The following DIAPH2 variants were observed in gnomAD, a reference collection of about 807,000 sequenced individuals.
DIAPH2 encodes diaphanous related formin 2, also known as protein diaphanous homolog 2.
In DIAPH2, 35 loss-of-function variants were observed where a neutral mutation model predicts 92.7. The observed-to-expected ratio is 0.38, with a 90% CI of 0.29 to 0.50. The LOEUF (loss-of-function observed/expected upper bound fraction) is 0.50, where lower values mean the gene tolerates loss of function less well. Among genes scored for constraint, DIAPH2 ranks in the 20% least tolerant of loss-of-function variants. The pLI is 0.94. For missense variants in DIAPH2, 701 were observed against 819.5 expected, an observed-to-expected ratio of 0.86 and a Z score of 1.77; for synonymous variants, 301 against 280.4, an observed-to-expected ratio of 1.07 and a Z score of -0.73.
intron 5 of DIAPH2, among the ~76,000 whole-genome samples, chrX:96,895,747 G>A (rs2065340878): frequency 8.9e-6 from 1 of 111,871 alleles, no homozygotes; most frequent in African/African-American, 3.2e-5. Context: ...TGATTGGTCT[G>A]GCAAAACATA....
intron 5 of DIAPH2, among the ~76,000 whole-genome samples, chrX:96,900,059 T>C (rs764733203): frequency 1.8e-5 from 2 of 111,998 alleles, no homozygotes; most frequent in South Asian, 7.5e-4. Context: ...ACCAGCCTGT[T>C]TGGCAGCATG....
At chrX:97,281,616 C>T (rs1041040789) in intron 23 of DIAPH2, among the ~76,000 whole-genome samples, 3 of 109,468 alleles carry the variant, frequency 2.7e-5, no homozygotes, top group Non-Finnish European at 5.7e-5. Context: ...TGGCAACGGC[C>T]GCCTGTAGTC....
At chrX:97,293,323 G>C (rs770816159) in intron 23 of DIAPH2, among the ~76,000 whole-genome samples, 2 of 98,994 alleles carry the variant, frequency 2.0e-5, no homozygotes, top group South Asian at 9.7e-4. Flanking sequence ...CAATATCTTG[G>C]CTCACTGCAA....
chrX:97,382,495 C>T (rs920338103), intron 24 of DIAPH2, among the ~76,000 whole-genome samples: 1 of 111,957 alleles, frequency 8.9e-6, no homozygotes, highest in African/African-American at 3.3e-5. Flanking sequence ...CATCCCACAA[C>T]GCATAGGACA....
chrX:96,855,458 ATAT>A (rs1413768370), intron 4 of DIAPH2, among the ~76,000 whole-genome samples: 4 of 110,552 alleles, frequency 3.6e-5, no homozygotes, highest in Non-Finnish European at 7.6e-5. Context: ...TTATTCATAT[ATAT>A]TATTACAATT....
chrX:96,760,037 A>G (rs1222243463), intron 4 of DIAPH2, among the ~76,000 whole-genome samples: 1 of 111,719 alleles, frequency 9.0e-6, no homozygotes, highest in African/African-American at 3.2e-5. Context: ...CCTCAAAATC[A>G]GAACTACTTA....
chrX:96,773,804 G>A (rs1215174655), intron 4 of DIAPH2, among the ~76,000 whole-genome samples: 6 of 111,296 alleles, frequency 5.4e-5, no homozygotes, highest in African/African-American at 2.0e-4. Flanking sequence ...CTGAGATCGC[G>A]CCTCTGCACT....
chrX:96,742,044 A>G (rs2064123184), intron 3 of DIAPH2, among the ~76,000 whole-genome samples: 2 of 111,133 alleles, frequency 1.8e-5, no homozygotes, highest in East Asian at 2.9e-4. Context: ...TGGATGCACA[A>G]TAGATCTCTC....
At chrX:97,361,349 G>C (rs930818439) in intron 24 of DIAPH2, among the ~76,000 whole-genome samples, 4 of 111,804 alleles carry the variant, frequency 3.6e-5, no homozygotes, top group Non-Finnish European at 7.5e-5. Flanking sequence ...AGTCTTTAAT[G>C]AATAGGCCAA....
intron 26 of DIAPH2, among the ~76,000 whole-genome samples, chrX:97,479,054 G>T (rs865855420): frequency 2.0e-4 from 22 of 111,733 alleles, no homozygotes; most frequent in African/African-American, 7.1e-4. Context: ...GCAATTGGTT[G>T]TCTTTGAAGT....
chrX:97,021,420 A>G (rs1468811990), intron 17 of DIAPH2, among the ~76,000 whole-genome samples: 2 of 111,042 alleles, frequency 1.8e-5, no homozygotes, highest in African/African-American at 6.6e-5. Flanking sequence ...CTGGTGTCGA[A>G]CTCCTGGCCT....
intron 22 of DIAPH2, among the ~76,000 whole-genome samples, chrX:97,165,302 A>G (rs2067403575): frequency 9.0e-6 from 1 of 111,565 alleles, no homozygotes; most frequent in Non-Finnish European, 1.9e-5. Context: ...AAGGCTGAGT[A>G]AGAGGTTGAA....
chrX:97,421,834 C>A, intron 25 of DIAPH2, among the ~76,000 whole-genome samples: 1 of 110,975 alleles, frequency 9.0e-6, no homozygotes, highest in East Asian at 2.8e-4. Context: ...AAAATGATAT[C>A]CAAGCTCCTT....
At chrX:97,133,276 GT>G (rs948419658) in intron 21 of DIAPH2, among the ~76,000 whole-genome samples, 1 of 111,068 alleles carries the variant, frequency 9.0e-6, no homozygotes, top group Non-Finnish European at 1.9e-5. Flanking sequence ...TAACTGTTTT[GT>G]TTTTTCTTTT....
chrX:97,065,246 A>G (rs753066038), intron 17 of DIAPH2, among the ~76,000 whole-genome samples: 2 of 111,885 alleles, frequency 1.8e-5, no homozygotes, highest in East Asian at 2.8e-4. Flanking sequence ...GTCAGTTCGT[A>G]CTTAGAAAGC....
intron 9 of DIAPH2, among the ~76,000 whole-genome samples, chrX:96,929,677 A>G (rs1411084541): frequency 9.0e-6 from 1 of 110,975 alleles, no homozygotes; most frequent in African/African-American, 3.3e-5. Context: ...TCGGTAATAT[A>G]TTTTTCCCAT....
chrX:96,978,580 C>T (rs941681359), intron 17 of DIAPH2, among the ~76,000 whole-genome samples: 4 of 110,329 alleles, frequency 3.6e-5, no homozygotes, highest in Non-Finnish European at 7.6e-5. Context: ...AACAGATTCA[C>T]ATTTTGTGTA....
chrX:97,253,871 C>G (rs1264638014), intron 23 of DIAPH2, among the ~76,000 whole-genome samples: 1 of 112,067 alleles, frequency 8.9e-6, no homozygotes, highest in Non-Finnish European at 1.9e-5. Flanking sequence ...GCAACTATTG[C>G]AATAGGAGAG....
rs2071583078 is a variant in DIAPH2, at chrX:97,600,035, A to T, written c.*718A>T. The stretch of plus-strand genomic sequence containing the variant: ...GAATCAGTTAGGGAAAGTGATTTAA[A>T]CTTTATTTAAAGAGGTATTTTCTAA... On this transcript the variant is annotated 3_prime_UTR_variant, in exon 27 of 27. Coordinates refer to ENST00000324765, the MANE Select transcript of DIAPH2 (RefSeq NM_006729.5). 8.9e-6 allele frequency: 1 copy of T among 112,678 alleles called. No individual in the cohort carries two copies. 9.3% of individuals were successfully genotyped at this position (112,678 alleles called of 1,213,427 possible). A position where few individuals can be genotyped will look rare whatever the true frequency, so the allele number is the denominator to read the frequency against.
Sources: gnomAD v4.1 joint callset for allele counts (sites outside exome capture counted in the v4.1 genomes callset) on GRCh38, gnomAD v4.1.1 for gene constraint, MANE v1.5 for transcripts, NCBI Gene and HGNC (gene_info 2026-07-23, HGNC 2026-07-21) for gene names.